XPA: variants seen among roughly 807,000 people sequenced by gnomAD.
The protein encoded by XPA is DNA repair protein complementing XP-A cells.
A neutral mutation model predicts 35.7 loss-of-function variants in XPA; 27 were observed. The ratio of observed to expected loss-of-function variants is 0.76; its 90% CI spans 0.56 to 1.04. XPA has a LOEUF of 1.04. Among genes scored for constraint, XPA ranks in the 50% least tolerant of loss-of-function variants. The pLI is 0.00. For synonymous variants in XPA, 133 were observed against 118.4 expected, an observed-to-expected ratio of 1.12 and a Z score of -0.80; for missense variants, 354 against 342.7, an observed-to-expected ratio of 1.03 and a Z score of -0.26.
the XPA span, chr9:97,661,215 T>C: frequency 2.4e-6 from 2 of 845,926 alleles, no homozygotes; most frequent in Non-Finnish European, 3.4e-6. Context: ...CCCCAGGTAT[T>C]TTCCCCTTAT....
chr9:97,693,559 A>G, intron 2 of XPA, 90 bp downstream of exon 2: 1 of 1,129,360 alleles, frequency 8.9e-7, no homozygotes, highest in Non-Finnish European at 1.3e-6. Context: ...TAAAGTAGTT[A>G]TGGCATTATT....
At chr9:97,666,337 A>C in the XPA span, among the ~76,000 whole-genome samples, 1 of 152,226 alleles carries the variant, frequency 6.6e-6, no homozygotes, top group Admixed American at 6.5e-5. Context: ...AGTGTGTGCT[A>C]GTTAAATAAT....
the XPA span, chr9:97,668,977 A>G: frequency 1.9e-6 from 3 of 1,606,612 alleles, no homozygotes; most frequent in South Asian, 2.2e-5. Flanking sequence ...TATTTCAGGT[A>G]TCTTGGCTTG....
the XPA span, among the ~76,000 whole-genome samples, chr9:97,654,545 G>C: frequency 6.6e-6 from 1 of 150,576 alleles, no homozygotes; most frequent in Non-Finnish European, 1.5e-5. Flanking sequence ...TTGTTGCAGG[G>C]TTGCCACAAA....
At chr9:97,657,060 C>T in the XPA span, among the ~76,000 whole-genome samples, 3 of 152,158 alleles carry the variant, frequency 2.0e-5, no homozygotes, top group Non-Finnish European at 2.9e-5. Context: ...GCGCCACCTC[C>T]GGGTTCACGC....
the XPA span, among the ~76,000 whole-genome samples, chr9:97,663,461 T>G: frequency 2.6e-5 from 4 of 152,290 alleles, no homozygotes; most frequent in Non-Finnish European, 5.9e-5. Context: ...TTATGTATTT[T>G]TTTGAATACG....
intron 5 of XPA, chr9:97,675,811 G>T (rs1206333573): frequency 5.1e-6 from 3 of 590,684 alleles, no homozygotes; most frequent in Non-Finnish European, 9.0e-6. Context: ...CACTGGAGCA[G>T]TGTGAAACAA....
At chr9:97,666,266 T>C in the XPA span, among the ~76,000 whole-genome samples, 1 of 152,226 alleles carries the variant, frequency 6.6e-6, no homozygotes, top group African/African-American at 2.4e-5. Flanking sequence ...TTAGAGCCCA[T>C]CAGTTGATAC....
the XPA span, chr9:97,664,357 G>A: frequency 5.0e-6 from 8 of 1,610,202 alleles, no homozygotes; most frequent in African/African-American, 9.4e-5. Context: ...CTGTACTAGT[G>A]GATAAGATGA....
chr9:97,668,523 G>A, the XPA span, among the ~76,000 whole-genome samples: 2 of 152,138 alleles, frequency 1.3e-5, no homozygotes, highest in Admixed American at 6.6e-5. Context: ...TGATTAGCAA[G>A]CTGTCTCCCT....
chr9:97,654,996 A>T, the XPA span: 1 of 1,377,506 alleles, frequency 7.3e-7, no homozygotes, highest in Non-Finnish European at 9.8e-7. Flanking sequence ...TACTTCCTGT[A>T]CTTCATAAAG....
At chr9:97,688,116 A>C (rs2131397876) in intron 3 of XPA, among the ~76,000 whole-genome samples, 1 of 152,344 alleles carries the variant, frequency 6.6e-6, no homozygotes, top group Middle Eastern at 3.4e-3. Flanking sequence ...ATGTTGAAAA[A>C]GAATGGAGGA....
At chr9:97,662,141 C>T in the XPA span, 3 of 1,609,714 alleles carry the variant, frequency 1.9e-6, no homozygotes, top group Non-Finnish European at 2.6e-6. Flanking sequence ...AGTGCTCTTG[C>T]AAAGTATGTA....
chr9:97,665,590 G>A, the XPA span, among the ~76,000 whole-genome samples: 1 of 152,200 alleles, frequency 6.6e-6, no homozygotes, highest in Admixed American at 6.5e-5. Flanking sequence ...CAGAGTTAAA[G>A]TGCTCTGCTC....
At chr9:97,695,029 A>G (rs1313654747) in intron 1 of XPA, among the ~76,000 whole-genome samples, 1 of 152,236 alleles carries the variant, frequency 6.6e-6, no homozygotes, top group Non-Finnish European at 1.5e-5. Flanking sequence ...GTTTGGAAAT[A>G]GGTAATACCA....
chr9:97,655,021 CATTTTTAA>C, the XPA span: 1 of 1,225,818 alleles, frequency 8.2e-7, no homozygotes, highest in Non-Finnish European at 1.1e-6. Context: ...TTGAGAAAGA[CATTTTTAA>C]GAATTTCCAT....
intron 5 of XPA, among the ~76,000 whole-genome samples, chr9:97,680,349 C>G (rs901548457): frequency 6.6e-6 from 1 of 152,170 alleles, no homozygotes; most frequent in African/African-American, 2.4e-5. Flanking sequence ...GCTGGGACTA[C>G]AGGCACACAC....
intron 5 of XPA, among the ~76,000 whole-genome samples, chr9:97,676,638 A>T (rs1487485460): frequency 3.3e-5 from 5 of 152,222 alleles, no homozygotes; most frequent in Non-Finnish European, 7.3e-5. Context: ...AGGGCTATGT[A>T]TAAGGCAGTG....
At chr9:97,675,791 A>C (rs1486239966) in intron 5 of XPA, 8 of 636,384 alleles carry the variant, frequency 1.3e-5, no homozygotes, top group Non-Finnish European at 1.6e-5. Flanking sequence ...CGGCCTGTGA[A>C]TCAAGTTGTC....
Sources: allele counts gnomAD v4.1 joint callset (sites outside exome capture counted in the v4.1 genomes callset), GRCh38; gene constraint gnomAD v4.1.1; transcripts MANE v1.5; gene names NCBI Gene and HGNC (gene_info 2026-07-23, HGNC 2026-07-21).